Variants in FBXL17 observed in about 807,000 individuals in gnomAD.
FBXL17 encodes F-box and leucine rich repeat protein 17.
Under a neutral mutation model 66.2 loss-of-function variants are expected in FBXL17, and 22 were observed. The ratio of observed to expected loss-of-function variants is 0.33; its 90% CI spans 0.24 to 0.47. FBXL17 has a LOEUF of 0.47. Ranked by LOEUF, FBXL17 falls within the 20% of genes least tolerant of loss-of-function variation. The probability of loss-of-function intolerance (pLI) is 1.00; values close to 1 mark genes in which losing one functional copy is unlikely to be tolerated. For synonymous variants in FBXL17, 474 were observed against 400.5 expected, an observed-to-expected ratio of 1.18 and a Z score of -2.19; for missense variants, 878 against 948.2, an observed-to-expected ratio of 0.93 and a Z score of 0.97.
intron 4 of FBXL17, among the ~76,000 whole-genome samples, chr5:108,313,200 T>G (rs1393935995): frequency 6.6e-6 from 1 of 152,136 alleles, no homozygotes; most frequent in Non-Finnish European, 1.5e-5. Flanking sequence ...TGAATGACCT[T>G]TCCAACCATA....
chr5:108,099,318 T>C (rs1490138833), intron 6 of FBXL17, among the ~76,000 whole-genome samples: 1 of 152,198 alleles, frequency 6.6e-6, no homozygotes, highest in Non-Finnish European at 1.5e-5. Flanking sequence ...CTCTTAGTTT[T>C]CTTAGGCTAG....
intron 4 of FBXL17, among the ~76,000 whole-genome samples, chr5:108,283,558 G>A (rs10065168): frequency 0.74 from 112,838 of 151,824 alleles, 42,249 homozygotes; most frequent in East Asian, 0.93. Context: ...CTTAAATATA[G>A]GAACCAAAGT....
intron 6 of FBXL17, among the ~76,000 whole-genome samples, chr5:108,099,300 C>A (rs998932349): frequency 2.6e-5 from 4 of 152,114 alleles, no homozygotes; most frequent in Admixed American, 1.3e-4. Flanking sequence ...CAGTATTTTG[C>A]CTCTATCCTC....
At chr5:108,283,514 C>T (rs1227020970) in intron 4 of FBXL17, among the ~76,000 whole-genome samples, 1 of 151,818 alleles carries the variant, frequency 6.6e-6, no homozygotes, top group African/African-American at 2.4e-5. Context: ...AATCTCTCAC[C>T]ATATACAAAA....
At position 108,348,744 on chromosome 5, in the gene FBXL17, C is replaced by G. The variant is rs1862196; in HGVS notation, c.1375-214G>C. ...ATTTACCCCCGTTTCAACCAACTCACATTACAAGCCCTCCAAGGTATGTAT... is the reference window on the plus strand; with the variant it reads ...ATTTACCCCCGTTTCAACCAACTCAGATTACAAGCCCTCCAAGGTATGTAT... On this transcript the variant is annotated intron_variant, in intron 3 of 8. Coordinates refer to ENST00000542267, the MANE Select transcript of FBXL17 (RefSeq NM_001163315.3). Among the ~76,000 whole-genome samples, 138 of 152,232 alleles carry G rather than the reference C, an allele frequency of 9.1e-4. 2 individuals carry two copies. In the South Asian group the frequency reaches 0.027, roughly 30 times the overall value.
intron 4 of FBXL17, among the ~76,000 whole-genome samples, chr5:108,269,894 C>A (rs567708620): frequency 8.5e-5 from 13 of 152,208 alleles, no homozygotes; most frequent in South Asian, 4.1e-4. Flanking sequence ...AACCTAGGTA[C>A]TGCCCTAAAA....
At chr5:107,945,965 A>G (rs942501383) in intron 7 of FBXL17, among the ~76,000 whole-genome samples, 4 of 151,998 alleles carry the variant, frequency 2.6e-5, no homozygotes, top group Non-Finnish European at 4.4e-5. Context: ...CTATAACATA[A>G]TCTAACAGCC....
chr5:107,898,703 G>C (rs188881140), intron 7 of FBXL17, among the ~76,000 whole-genome samples: 2 of 151,980 alleles, frequency 1.3e-5, no homozygotes, highest in East Asian at 3.9e-4. Context: ...TCCCACTTAC[G>C]AGTGAGAACA....
chr5:108,377,068 G>C (rs1749488847), intron 1 of FBXL17, among the ~76,000 whole-genome samples: 1 of 152,188 alleles, frequency 6.6e-6, no homozygotes. Context: ...AAGTCATTCT[G>C]TGTCTGAATA....
chr5:107,867,927 C>T (rs12152863), intron 8 of FBXL17, among the ~76,000 whole-genome samples: 55,946 of 152,092 alleles, frequency 0.37, 11,659 homozygotes, highest in Admixed American at 0.53. Context: ...CAATCAAACG[C>T]TTCTCTTCAG....
intron 7 of FBXL17, among the ~76,000 whole-genome samples, chr5:107,945,193 A>C (rs1751242075): frequency 1.3e-5 from 2 of 152,134 alleles, no homozygotes; most frequent in Non-Finnish European, 2.9e-5. Context: ...AGTAAATATA[A>C]ATTTAAACCT....
chr5:107,963,855 T>C (rs1752015192), intron 7 of FBXL17, among the ~76,000 whole-genome samples: 1 of 152,164 alleles, frequency 6.6e-6, no homozygotes, highest in Non-Finnish European at 1.5e-5. Context: ...CTAGGCTTTA[T>C]AAAACAGAAA....
In FBXL17 at chr5:108,315,108, T is replaced by C. The variant is rs191780917; in HGVS notation, c.1506+33291A>G. 9.5e-4 allele frequency among the ~76,000 whole-genome samples: 143 copies of C among 151,128 alleles called. 2 individuals carry two copies. Among genetic ancestry groups the C allele is most frequent in the African/African-American group, 3.3e-3 (135 of 41,462 alleles). On this transcript the variant is annotated intron_variant, in intron 4 of 8. Transcript: ENST00000542267. ...AGAGTTTAAAAAAGTACAACCTCAT[T>C]AGAAAATAAAGACAATCAAAACTCA...
At chr5:108,298,867 T>C (rs1034249228) in intron 4 of FBXL17, 7 of 922,778 alleles carry the variant, frequency 7.6e-6, no homozygotes, top group African/African-American at 1.8e-5. Flanking sequence ...ATATTTATTC[T>C]TGCAGTTTTT....
At position 108,157,443 on chromosome 5, in the gene FBXL17, G is replaced by GT. The variant is rs565339783; in HGVS notation, c.1745+28673dup. On this transcript the variant is annotated intron_variant, in intron 6 of 8. Transcript: ENST00000542267. ...CAAGGTATCTCTTACAGGAAGGTTC[G>GT]TTTTTTTAAAGGGAAAATATAGGAA... Among the ~76,000 whole-genome samples the GT allele has an allele frequency of 4.0e-4, 60 of 151,556 alleles. 1 individual carries two copies. Among genetic ancestry groups the GT allele is most frequent in the Middle Eastern group, 3.4e-3 (1 of 294 alleles).
chr5:107,939,391 C>T (rs1258722751), intron 7 of FBXL17, among the ~76,000 whole-genome samples: 1 of 152,078 alleles, frequency 6.6e-6, no homozygotes, highest in Non-Finnish European at 1.5e-5. Flanking sequence ...CTCTTTATTT[C>T]CTCTCTGTCC....
chr5:108,142,503 C>G (rs1490984161), intron 6 of FBXL17, among the ~76,000 whole-genome samples: 2 of 152,182 alleles, frequency 1.3e-5, no homozygotes, highest in Non-Finnish European at 1.5e-5. Flanking sequence ...CAGCAGTGCT[C>G]TGGCATTCAC....
chr5:107,861,697 G>T lies in FBXL17; in HGVS notation c.*23C>A. 6.5e-7 allele frequency: 1 copy of T among 1,545,430 alleles called. No individual in the cohort carries two copies. The highest frequency in any genetic ancestry group is 8.8e-7 in the Non-Finnish European group (1 of 1,142,654). Reference sequence around the variant, plus strand: ...TCCTCTGCTCTGCTGAATGATCCCAGTGGACTAGGCGAGGCAGGAGCGCTA... The same window carrying T: ...TCCTCTGCTCTGCTGAATGATCCCATTGGACTAGGCGAGGCAGGAGCGCTA... On this transcript the variant is annotated 3_prime_UTR_variant, in exon 9 of 9. Coordinates refer to ENST00000542267, the MANE Select transcript of FBXL17 (RefSeq NM_001163315.3).
chr5:108,122,968 T>A (rs1399299290), intron 6 of FBXL17, among the ~76,000 whole-genome samples: 1 of 151,906 alleles, frequency 6.6e-6, no homozygotes, highest in East Asian at 1.9e-4. Flanking sequence ...ACACATGACC[T>A]TAATCTGTGG....
Sources: allele counts gnomAD v4.1 joint callset (sites outside exome capture counted in the v4.1 genomes callset), GRCh38; gene constraint gnomAD v4.1.1; transcripts MANE v1.5; gene names NCBI Gene and HGNC (gene_info 2026-07-23, HGNC 2026-07-21).